SORCS3: variants seen among roughly 807,000 people sequenced by gnomAD.
The protein encoded by SORCS3 is VPS10 domain-containing receptor SorCS3.
Under a neutral mutation model 146.3 loss-of-function variants are expected in SORCS3, and 57 were observed. The ratio of observed to expected loss-of-function variants is 0.39; its 90% CI spans 0.31 to 0.49. The LOEUF (loss-of-function observed/expected upper bound fraction) is 0.49. Ranked by LOEUF, SORCS3 falls within the 20% of genes least tolerant of loss-of-function variation. The pLI is 0.92. For synonymous variants in SORCS3, 653 were observed against 618.5 expected (o/e 1.06, Z -0.83); for missense variants, 1,341 against 1,575.5 (o/e 0.85, Z 2.52).
chr10:104,794,625 GA>G (rs370095501), intron 1 of SORCS3, among the ~76,000 whole-genome samples: 68,737 of 130,926 alleles, frequency 0.53, 18,173 homozygotes, highest in African/African-American at 0.67. Flanking sequence ...GAGGGAGGGA[GA>G]GAGAGAGAGA....
intron 20 of SORCS3, among the ~76,000 whole-genome samples, chr10:105,234,113 T>C (rs1177772075): frequency 6.6e-6 from 1 of 152,178 alleles, no homozygotes; most frequent in African/African-American, 2.4e-5. Flanking sequence ...CATTCTTTTC[T>C]TCTTCACTTT....
intron 7 of SORCS3, among the ~76,000 whole-genome samples, chr10:105,120,906 G>A (rs1207457354): frequency 6.6e-6 from 1 of 152,118 alleles, no homozygotes. Flanking sequence ...GCGTCTCCAT[G>A]GGCATGAGAA....
chr10:104,959,302 C>T (rs1470949403), intron 3 of SORCS3, among the ~76,000 whole-genome samples: 4 of 151,996 alleles, frequency 2.6e-5, no homozygotes, highest in Non-Finnish European at 5.9e-5. Flanking sequence ...TTAACCACCC[C>T]CAGTGTGAGG....
chr10:104,771,894 C>T (rs2017253803), intron 1 of SORCS3, among the ~76,000 whole-genome samples: 2 of 151,974 alleles, frequency 1.3e-5, no homozygotes, highest in South Asian at 4.2e-4. Context: ...TCTGAGAGCC[C>T]TAGCCTTGGC....
intron 1 of SORCS3, among the ~76,000 whole-genome samples, chr10:104,759,794 G>A (rs568636623): frequency 3.3e-5 from 5 of 152,142 alleles, no homozygotes; most frequent in African/African-American, 1.2e-4. Context: ...TCGAGGATCT[G>A]TCACGGCCTG....
intron 14 of SORCS3, among the ~76,000 whole-genome samples, chr10:105,178,447 G>A (rs933896058): frequency 1.3e-5 from 2 of 152,132 alleles, no homozygotes; most frequent in Non-Finnish European, 2.9e-5. Context: ...TAAAACCCAA[G>A]CAAACAGAAA....
chr10:104,784,650 G>A (rs2017411529), intron 1 of SORCS3, among the ~76,000 whole-genome samples: 1 of 152,176 alleles, frequency 6.6e-6, no homozygotes, highest in Non-Finnish European at 1.5e-5. Context: ...CAGGATGTGG[G>A]CTGGGATGAA....
At chr10:104,800,911 T>G (rs1325266529) in intron 1 of SORCS3, among the ~76,000 whole-genome samples, 1 of 152,240 alleles carries the variant, frequency 6.6e-6, no homozygotes, top group Non-Finnish European at 1.5e-5. Context: ...ATGGTTGGGC[T>G]GATCCTCTCT....
At chr10:104,811,975 C>A (rs1004932047) in intron 1 of SORCS3, among the ~76,000 whole-genome samples, 1 of 151,996 alleles carries the variant, frequency 6.6e-6, no homozygotes, top group Non-Finnish European at 1.5e-5. Context: ...TATACGTGTG[C>A]CCCATACATT....
chr10:105,073,486 C>T (rs912401162), intron 5 of SORCS3, among the ~76,000 whole-genome samples: 22 of 152,194 alleles, frequency 1.4e-4, no homozygotes, highest in Non-Finnish European at 2.6e-4. Flanking sequence ...TTGCTTGTTG[C>T]TGAAGATCTT....
intron 4 of SORCS3, among the ~76,000 whole-genome samples, chr10:105,039,576 C>T (rs535806639): frequency 6.6e-6 from 1 of 151,552 alleles, no homozygotes; most frequent in East Asian, 1.9e-4. Flanking sequence ...CCTGCCTCAG[C>T]CTCCCCAGTA....
chr10:104,905,493 A>G (rs533796513), intron 2 of SORCS3, among the ~76,000 whole-genome samples: 4 of 152,290 alleles, frequency 2.6e-5, no homozygotes, highest in African/African-American at 9.6e-5. Context: ...GTCAGAAGGG[A>G]ATCTGTCTGA....
intron 3 of SORCS3, 70 bp from the exon 4 acceptor site, chr10:104,977,265 T>C (rs575066338): frequency 6.0e-5 from 78 of 1,292,942 alleles, no homozygotes; most frequent in Non-Finnish European, 8.0e-5. Context: ...GACTTATTTA[T>C]GATTAAAGTT....
At chr10:104,817,393 TCCTTCCCCCTCCTCCTCCC>T (rs1185933438) in intron 1 of SORCS3, among the ~76,000 whole-genome samples, 55 of 63,660 alleles carry the variant, frequency 8.6e-4, no homozygotes, top group African/African-American at 3.3e-3. Flanking sequence ...CTCCTCCTCC[TCCTTCCCCCTCCTCCTCCC>T]CCTTCCCCCT....
chr10:105,092,150 T>A (rs938230630), intron 6 of SORCS3, among the ~76,000 whole-genome samples: 2 of 152,238 alleles, frequency 1.3e-5, no homozygotes, highest in African/African-American at 4.8e-5. Flanking sequence ...GTTCAAGAAT[T>A]CTGGTCCAAA....
intron 5 of SORCS3, among the ~76,000 whole-genome samples, 157 bp from the exon 6 acceptor site, chr10:105,089,618 G>A (rs2055687517): frequency 6.6e-6 from 1 of 152,196 alleles, no homozygotes; most frequent in Non-Finnish European, 1.5e-5. Flanking sequence ...CACACTGTGG[G>A]GACTGCCAGT....
Position 104,741,061 on chromosome 10 carries a change from A to G in SORCS3, c.627+99107A>G, listed in dbSNP as rs545343302. The stretch of plus-strand genomic sequence containing the variant: ...ATTGTAACCTTGAACTCTTGGGCTC[A>G]AGGGATTCTCCCACATCAGCCTCCC... On this transcript the variant is annotated intron_variant, in intron 1 of 26. Coordinates refer to ENST00000369701, the MANE Select transcript of SORCS3 (RefSeq NM_014978.3). Among the ~76,000 whole-genome samples the G allele has an allele frequency of 3.3e-5, 5 of 152,080 alleles. No individual in the cohort carries two copies. The South Asian group carries it at 8.3e-4, about 25-fold the overall frequency.
intron 4 of SORCS3, among the ~76,000 whole-genome samples, chr10:105,032,102 G>T (rs1477544642): frequency 6.6e-6 from 1 of 152,154 alleles, no homozygotes; most frequent in Non-Finnish European, 1.5e-5. Flanking sequence ...TGAGGCAGGA[G>T]AACCGCTTGA....
At chr10:105,011,049 T>C (rs1360494870) in intron 4 of SORCS3, among the ~76,000 whole-genome samples, 1 of 152,188 alleles carries the variant, frequency 6.6e-6, no homozygotes, top group Non-Finnish European at 1.5e-5. Flanking sequence ...TCCTGGCTGA[T>C]GTAACACTTT....
Sources: gnomAD v4.1 joint callset for allele counts (sites outside exome capture counted in the v4.1 genomes callset) on GRCh38, gnomAD v4.1.1 for gene constraint, MANE v1.5 for transcripts, NCBI Gene and HGNC (gene_info 2026-07-23, HGNC 2026-07-21) for gene names.